The following DLG2 variants were observed in gnomAD, a reference collection of about 807,000 sequenced individuals.
DLG2 encodes discs large MAGUK scaffold protein 2.
A neutral mutation model predicts 132.5 loss-of-function variants in DLG2; 45 were observed. The observed-to-expected ratio is 0.34, with a 90% CI of 0.27 to 0.44. DLG2 has a LOEUF of 0.44. Among genes scored for constraint, DLG2 ranks in the 20% least tolerant of loss-of-function variants. DLG2 has a pLI of 1.00. For missense variants in DLG2, 1,045 were observed against 1,196.9 expected, an observed-to-expected ratio of 0.87 and a Z score of 1.87; for synonymous variants, 424 against 419.6, an observed-to-expected ratio of 1.01 and a Z score of -0.13.
In DLG2 at chr11:84,317,188, G is replaced by T. The variant is rs763578948; in HGVS notation, c.520-65897C>A. The T allele has an allele frequency of 3.8e-6, 6 of 1,562,200 alleles. No individual in the cohort carries two copies. The African/African-American group carries it at 6.8e-5, about 18-fold the overall frequency. Reference sequence around the variant, plus strand: ...TCTTTCCTTTGGTCAGCTCTGCACAGAAATGTCTCCTCCCTCACACCCCTT... The same window carrying T: ...TCTTTCCTTTGGTCAGCTCTGCACATAAATGTCTCCTCCCTCACACCCCTT... On this transcript the variant is annotated intron_variant, in intron 7 of 27. Transcript: ENST00000376104.
chr11:84,945,796 C>A (rs1304278461), intron 6 of DLG2, among the ~76,000 whole-genome samples: 1 of 152,120 alleles, frequency 6.6e-6, no homozygotes, highest in East Asian at 1.9e-4. Flanking sequence ...CCCACGTCCA[C>A]TGGGATCCAG....
rs1376940589 is a variant in DLG2, at chr11:84,579,782, T to C, written c.358-45051A>G. On this transcript the variant is annotated intron_variant, in intron 6 of 27. Transcript: ENST00000376104. ...AGAACAGACCAGTTAAGTGGATTCC[T>C]ATAAGAATAATTTAGGCAGGAATGA... is the stretch of plus-strand genomic sequence containing the variant. Among the ~76,000 whole-genome samples the C allele has an allele frequency of 9.2e-5, 14 of 152,312 alleles. No homozygotes were observed. In the East Asian group the frequency reaches 2.5e-3, roughly 27 times the overall value.
chr11:85,426,711 T>G (rs1405662433), intron 3 of DLG2, among the ~76,000 whole-genome samples: 2 of 152,060 alleles, frequency 1.3e-5, no homozygotes, highest in African/African-American at 4.8e-5. Context: ...ACTCTAAAAA[T>G]CAGAGCACCT....
At chr11:84,632,106 C>T (rs1383848955) in intron 6 of DLG2, among the ~76,000 whole-genome samples, 1 of 152,158 alleles carries the variant, frequency 6.6e-6, no homozygotes, top group Admixed American at 6.5e-5. Flanking sequence ...GCCTTGCCCA[C>T]CATCAGACCT....
rs150785641 is a variant in DLG2 at position 84,095,323 on chromosome 11, T to C, written c.749+3600A>G. On this transcript the variant is annotated intron_variant, in intron 10 of 27. Coordinates refer to ENST00000376104, the MANE Select transcript of DLG2 (RefSeq NM_001142699.3). ...AGTTCGGTTATCTCACCTCAGAACA[T>C]CTCAGTGAAGTAGGTATTATTGTCA... 6.8e-3 allele frequency among the ~76,000 whole-genome samples: 1,032 copies of C among 152,276 alleles called. 13 individuals carry two copies. Among genetic ancestry groups the C allele is most frequent in the Non-Finnish European group, 8.0e-3 (544 of 68,000 alleles).
intron 25 of DLG2, among the ~76,000 whole-genome samples, chr11:83,467,551 C>A (rs1424270184): frequency 6.6e-6 from 1 of 151,350 alleles, no homozygotes; most frequent in Non-Finnish European, 1.5e-5. Flanking sequence ...GAGTTCGAGA[C>A]CAGCCTGACC....
intron 6 of DLG2, among the ~76,000 whole-genome samples, chr11:85,093,900 T>G (rs190164379): frequency 6.6e-6 from 1 of 152,286 alleles, no homozygotes; most frequent in African/African-American, 2.4e-5. Context: ...CTTATCAACT[T>G]GGGATCCATT....
At position 85,086,890 on chromosome 11, in the gene DLG2, G is replaced by T. The variant is rs185200490; in HGVS notation, c.357+24771C>A. Among the ~76,000 whole-genome samples the T allele has an allele frequency of 3.7e-4, 57 of 152,298 alleles. 1 individual carries two copies. The highest frequency in any genetic ancestry group is 2.0e-3 in the Admixed American group (31 of 15,298). On this transcript the variant is annotated intron_variant, in intron 6 of 27. Coordinates refer to ENST00000376104, the MANE Select transcript of DLG2 (RefSeq NM_001142699.3). ...AAAGCAAATTGAAATATGAAGCAAT[G>T]AAACAGTTCAGAATACAGTAAGTTT...
intron 6 of DLG2, among the ~76,000 whole-genome samples, chr11:85,040,896 T>C (rs767894832): frequency 3.3e-5 from 5 of 151,920 alleles, no homozygotes; most frequent in Non-Finnish European, 5.9e-5. Flanking sequence ...TCCTATTTTA[T>C]AGATGAGGAA....
At position 83,484,081 on chromosome 11, in the gene DLG2, T is replaced by G. The variant is rs752935048; in HGVS notation, c.2293+48A>C. The G allele has an allele frequency of 3.3e-6, 5 of 1,522,016 alleles. No individual in the cohort carries two copies. In the East Asian group the frequency reaches 1.1e-4, roughly 34 times the overall value. The allele number at this position is 1,522,016 out of a possible 1,614,324, so 94.3% of individuals were successfully genotyped here. On this transcript the variant is annotated intron_variant, in intron 22 of 27. Coordinates refer to ENST00000376104, the MANE Select transcript of DLG2 (RefSeq NM_001142699.3). Reference sequence around the variant, plus strand: ...ACATCCTGCGTGTTGCCTGTGAATTTTTTTTCTCTTATGTTGCATGTGACA... The same window carrying G: ...ACATCCTGCGTGTTGCCTGTGAATTGTTTTTCTCTTATGTTGCATGTGACA...
chr11:85,474,194 T>C (rs1411939785), intron 3 of DLG2, among the ~76,000 whole-genome samples: 1 of 152,018 alleles, frequency 6.6e-6, no homozygotes, highest in African/African-American at 2.4e-5. Context: ...GCAAAGATCA[T>C]TATTGATAAA....
chr11:85,411,272 G>A (rs987912671), intron 3 of DLG2, among the ~76,000 whole-genome samples: 1 of 151,608 alleles, frequency 6.6e-6, no homozygotes, highest in African/African-American at 2.4e-5. Context: ...ACAAAAAAGA[G>A]GAAGCATAAA....
chr11:85,609,847 C>T (rs572175717), intron 2 of DLG2, among the ~76,000 whole-genome samples: 5 of 152,312 alleles, frequency 3.3e-5, no homozygotes, highest in African/African-American at 9.6e-5. Flanking sequence ...CGTTACCATC[C>T]GGGGAATCCT....
intron 3 of DLG2, among the ~76,000 whole-genome samples, chr11:85,382,872 C>T (rs1457972736): frequency 2.0e-5 from 3 of 152,082 alleles, no homozygotes; most frequent in Admixed American, 6.6e-5. Flanking sequence ...AGTTGTAATA[C>T]ATTGCTAGTA....
chr11:85,391,013 A>C (rs543934071), intron 3 of DLG2, among the ~76,000 whole-genome samples: 1 of 152,210 alleles, frequency 6.6e-6, no homozygotes, highest in Non-Finnish European at 1.5e-5. Context: ...TTCTTTGAAA[A>C]GATAAATAAA....
intron 6 of DLG2, among the ~76,000 whole-genome samples, chr11:84,773,354 A>G (rs2153892843): frequency 6.6e-6 from 1 of 152,234 alleles, no homozygotes; most frequent in East Asian, 1.9e-4. Context: ...CATATAAAAC[A>G]CAACTAGCAC....
intron 6 of DLG2, among the ~76,000 whole-genome samples, chr11:84,650,863 GTGTGTGTGTGTATATATATATATATATA>G (rs2099680821): frequency 1.1e-5 from 1 of 92,250 alleles, no homozygotes; most frequent in Non-Finnish European, 2.3e-5. Flanking sequence ...GTGTGTGTGT[GTGTGTGTGTGTATATATATATATATATA>G]TATATATATA....
chr11:85,208,222 A>G (rs1165394663), intron 4 of DLG2, among the ~76,000 whole-genome samples: 1 of 152,170 alleles, frequency 6.6e-6, no homozygotes, highest in Non-Finnish European at 1.5e-5. Context: ...AATGGAAGCT[A>G]GACTCTGACT....
intron 11 of DLG2, among the ~76,000 whole-genome samples, chr11:84,047,414 A>C (rs770897165): frequency 5.9e-5 from 9 of 151,586 alleles, no homozygotes; most frequent in Non-Finnish European, 7.4e-5. Flanking sequence ...CCTAGCTCCA[A>C]ATCCCAGTCT....
Sources: allele counts gnomAD v4.1 joint callset (sites outside exome capture counted in the v4.1 genomes callset), GRCh38; gene constraint gnomAD v4.1.1; transcripts MANE v1.5; gene names NCBI Gene and HGNC (gene_info 2026-07-23, HGNC 2026-07-21).